LMBR1: variants seen among roughly 807,000 people sequenced by gnomAD.
The protein encoded by LMBR1 is limb development membrane protein 1, also known as limb region 1 protein homolog.
A neutral mutation model predicts 73.9 loss-of-function variants in LMBR1; 52 were observed. The observed-to-expected ratio is 0.70, with a 90% CI of 0.56 to 0.89. The LOEUF is 0.89. LMBR1 is among the 40% of genes least tolerant of loss of function. The probability of loss-of-function intolerance (pLI) is 0.00; values close to 1 mark genes in which losing one functional copy is unlikely to be tolerated. For synonymous variants in LMBR1, 215 were observed against 209.4 expected, an observed-to-expected ratio of 1.03 and a Z score of -0.23; for missense variants, 539 against 579.8, an observed-to-expected ratio of 0.93 and a Z score of 0.72.
chr7:156,814,089 T>G (rs1207587449), intron 4 of LMBR1, among the ~76,000 whole-genome samples: 1 of 152,176 alleles, frequency 6.6e-6, no homozygotes. Context: ...TAAGATCCCC[T>G]TAGCCAACGC....
At chr7:156,769,642 G>C (rs1319281019) in intron 5 of LMBR1, among the ~76,000 whole-genome samples, 1 of 152,186 alleles carries the variant, frequency 6.6e-6, no homozygotes, top group African/African-American at 2.4e-5. Context: ...GGAGACACAA[G>C]ACTCCTGGAT....
intron 1 of LMBR1, among the ~76,000 whole-genome samples, chr7:156,873,831 C>A (rs1214880708): frequency 6.8e-6 from 1 of 146,350 alleles, no homozygotes; most frequent in African/African-American, 2.5e-5. Context: ...GATTGGTGCA[C>A]TCACAAACCT....
chr7:156,779,746 A>G, intron 5 of LMBR1: 1 of 1,251,360 alleles, frequency 8.0e-7, no homozygotes, highest in Non-Finnish European at 1.0e-6. Context: ...TAAGGGATGT[A>G]AAAACCACTT....
At chr7:156,710,053 C>T (rs181576838) in intron 15 of LMBR1, among the ~76,000 whole-genome samples, 422 of 151,860 alleles carry the variant, frequency 2.8e-3, no homozygotes, top group Admixed American at 5.0e-3. Context: ...TACAGGCGCC[C>T]GCCACCATGC....
At chr7:156,742,441 A>T (rs1291258316) in intron 9 of LMBR1, among the ~76,000 whole-genome samples, 1 of 152,164 alleles carries the variant, frequency 6.6e-6, no homozygotes, top group Non-Finnish European at 1.5e-5. Context: ...TACAACTGAC[A>T]TCACAGAAAT....
chr7:156,726,462 A>T (rs1344410436), intron 12 of LMBR1, among the ~76,000 whole-genome samples: 1 of 148,050 alleles, frequency 6.8e-6, no homozygotes, highest in Non-Finnish European at 1.5e-5. Flanking sequence ...CCTAGAACTT[A>T]AAAAAAAAAC....
chr7:156,683,779 T>C lies in LMBR1; in HGVS notation c.*299A>G, dbSNP rs568752671. 7.8e-6 allele frequency: 2 copies of C among 255,022 alleles called. No individual in the cohort carries two copies. Among genetic ancestry groups the C allele is most frequent in the Non-Finnish European group, 1.5e-5 (2 of 136,010 alleles). 15.8% of individuals were successfully genotyped at this position (255,022 alleles called of 1,614,324 possible). On this transcript the variant is annotated 3_prime_UTR_variant, in exon 17 of 17. Coordinates refer to ENST00000353442, the MANE Select transcript of LMBR1 (RefSeq NM_022458.4). ...TTTTCATATCAGGTGAAAACAATTT[T>C]TTCATATGGGTGATTGTATTTACCA...
chr7:156,833,625 A>G (rs1255134524), intron 3 of LMBR1, 128 bp downstream of exon 3: 1 of 661,678 alleles, frequency 1.5e-6, no homozygotes, highest in African/African-American at 1.9e-5. Context: ...TCTAAAATTA[A>G]TATGATAAAG....
intron 15 of LMBR1, among the ~76,000 whole-genome samples, chr7:156,694,974 T>C (rs932166247): frequency 4.7e-5 from 7 of 150,414 alleles, no homozygotes; most frequent in African/African-American, 1.7e-4. Context: ...ATTGTAAAGA[T>C]GTTAATCCTT....
chr7:156,781,948 C>A (rs570809151), intron 5 of LMBR1, among the ~76,000 whole-genome samples: 1 of 152,340 alleles, frequency 6.6e-6, no homozygotes, highest in African/African-American at 2.4e-5. Context: ...TTTTCATATT[C>A]ACCAACTGAA....
intron 10 of LMBR1, among the ~76,000 whole-genome samples, chr7:156,731,974 C>T (rs903920107): frequency 6.6e-6 from 1 of 151,032 alleles, no homozygotes; most frequent in Non-Finnish European, 1.5e-5. Flanking sequence ...ATGATTATAA[C>T]AACATTATTT....
chr7:156,764,484 C>A (rs1160572034), intron 5 of LMBR1, among the ~76,000 whole-genome samples: 1 of 152,254 alleles, frequency 6.6e-6, no homozygotes, highest in East Asian at 1.9e-4. Context: ...AACTTAAAAA[C>A]TGCAGGATAA....
intron 15 of LMBR1, among the ~76,000 whole-genome samples, chr7:156,697,495 C>T (rs566023977): frequency 1.4e-4 from 21 of 152,252 alleles, no homozygotes; most frequent in East Asian, 3.9e-4. Context: ...TTATCTCAAC[C>T]GCATAAGACA....
Position 156,724,156 on chromosome 7 carries a change from A to G in LMBR1, c.1181T>C (p.Ile394Thr). 6.2e-7 allele frequency: 1 copy of G among 1,611,090 alleles called. No individual in the cohort carries two copies. Residue 394 changes from isoleucine to threonine, a missense_variant, in exon 15 of 17, where the codon ATC becomes ACC. Ile to Thr is a moderately conservative substitution (Grantham distance 89, BLOSUM62 -1). Around this residue, in one of 3 missense-constraint regions of LMBR1, gnomAD observed 454 missense variants for 473.4 expected, o/e 0.96. Transcript: ENST00000353442. Reference sequence around the variant, plus strand: ...AGGCAGAGCAGAGCTCAAAACCAAGATGGACACACAATTTCCAATGATCTG... The same window carrying G: ...AGGCAGAGCAGAGCTCAAAACCAAGGTGGACACACAATTTCCAATGATCTG... ...MTKIIGNCVS[I>T]LVLSSALPVM...
intron 5 of LMBR1, among the ~76,000 whole-genome samples, chr7:156,784,343 C>T (rs537523407): frequency 6.6e-6 from 1 of 152,276 alleles, no homozygotes; most frequent in African/African-American, 2.4e-5. Context: ...TCTGATGATA[C>T]TGAATTTAGT....
intron 5 of LMBR1, among the ~76,000 whole-genome samples, chr7:156,764,822 A>G (rs894210004): frequency 3.9e-5 from 6 of 152,246 alleles, no homozygotes; most frequent in South Asian, 4.1e-4. Flanking sequence ...AATAGAAAGG[A>G]AAGAAAACGT....
At chr7:156,675,607 A>AC, downstream of LMBR1, 1 of 1,085,336 alleles carries the variant, frequency 9.2e-7, no homozygotes, top group South Asian at 1.4e-5. Context: ...GAGGAAGGTT[A>AC]CCAAAATAGA....
At chr7:156,721,979 C>T (rs998999978) in intron 15 of LMBR1, among the ~76,000 whole-genome samples, 3 of 150,894 alleles carry the variant, frequency 2.0e-5, no homozygotes, top group African/African-American at 4.9e-5. Context: ...AGAAACATGT[C>T]CATTGAACAC....
intron 1 of LMBR1, among the ~76,000 whole-genome samples, chr7:156,849,001 T>C (rs115557819): frequency 0.016 from 2,349 of 151,406 alleles, 57 homozygotes; most frequent in African/African-American, 0.053. Context: ...AATCCAATTA[T>C]TGGCTACAGA....
Sources: gnomAD v4.1 joint callset for allele counts (sites outside exome capture counted in the v4.1 genomes callset) on GRCh38, gnomAD v4.1.1 for gene constraint, gnomAD v4.1.1 regional missense constraint, MANE v1.5 for transcripts, NCBI Gene and HGNC (gene_info 2026-07-23, HGNC 2026-07-21) for gene names.